DOCK7: variants seen among roughly 807,000 people sequenced by gnomAD.
DOCK7 encodes dedicator of cytokinesis protein 7.
Under a neutral mutation model 271.0 loss-of-function variants are expected in DOCK7, and 138 were observed. The observed-to-expected ratio is 0.51, with a 90% CI of 0.44 to 0.59. The LOEUF is 0.59. DOCK7 is among the 20% of genes least tolerant of loss of function. The pLI is 0.00. For synonymous variants in DOCK7, 823 were observed against 876.1 expected (o/e 0.94, Z 1.07); for missense variants, 2,066 against 2,592.4 (o/e 0.80, Z 4.41).
intron 22 of DOCK7, among the ~76,000 whole-genome samples, chr1:62,548,969 T>C (rs936818634): frequency 6.6e-6 from 1 of 152,196 alleles, no homozygotes; most frequent in Non-Finnish European, 1.5e-5. Flanking sequence ...ACTGGAAATA[T>C]AATTTTGGGA....
chr1:62,655,211 T>A (rs989228352), intron 2 of DOCK7, among the ~76,000 whole-genome samples: 1 of 152,056 alleles, frequency 6.6e-6, no homozygotes, highest in Admixed American at 6.5e-5. Context: ...ACCATACTTC[T>A]TATCTAGTTC....
chr1:62,528,656 T>C (rs1645085032), intron 30 of DOCK7, among the ~76,000 whole-genome samples: 1 of 152,248 alleles, frequency 6.6e-6, no homozygotes, highest in African/African-American at 2.4e-5. Flanking sequence ...CTGTCAAAGT[T>C]CTTAATACAC....
chr1:62,645,552 T>C (rs1159486450), intron 7 of DOCK7, among the ~76,000 whole-genome samples: 2 of 152,176 alleles, frequency 1.3e-5, no homozygotes, highest in African/African-American at 4.8e-5. Flanking sequence ...CACTTACTAT[T>C]AACAAATATG....
At chr1:62,494,793 CA>C (rs1646573043) in intron 39 of DOCK7, 1 of 200,144 alleles carries the variant, frequency 5.0e-6, no homozygotes, top group Admixed American at 6.0e-5. Flanking sequence ...GTTTTATACA[CA>C]AGGGAAAAAG....
chr1:62,499,433 T>C (rs1646715917), intron 37 of DOCK7, among the ~76,000 whole-genome samples: 2 of 152,120 alleles, frequency 1.3e-5, no homozygotes, highest in Admixed American at 1.3e-4. Context: ...TCAGATATAA[T>C]TCATTTATTA....
At chr1:62,523,308 A>G (rs576273753) in intron 31 of DOCK7, among the ~76,000 whole-genome samples, 40 of 152,316 alleles carry the variant, frequency 2.6e-4, no homozygotes, top group African/African-American at 9.4e-4. Flanking sequence ...AGATGTAGGG[A>G]AAATATTCTT....
At chr1:62,520,734 C>T (rs1330957806) in intron 31 of DOCK7, among the ~76,000 whole-genome samples, 1 of 152,062 alleles carries the variant, frequency 6.6e-6, no homozygotes, top group African/African-American at 2.4e-5. Context: ...ACCATTTGAC[C>T]CAGCAATTCC....
chr1:62,545,214 T>C (rs181806989), intron 22 of DOCK7, among the ~76,000 whole-genome samples, 175 bp from the exon 23 acceptor site: 1 of 152,178 alleles, frequency 6.6e-6, no homozygotes, highest in African/African-American at 2.4e-5. Flanking sequence ...AATTATCTTA[T>C]TATATAACAC....
At position 62,524,884 on chromosome 1, in the gene DOCK7, A is replaced by C. The variant is rs1219183773; in HGVS notation, c.3936+3267T>G. On this transcript the variant is annotated intron_variant, in intron 31 of 49. Coordinates refer to ENST00000635253, the MANE Select transcript of DOCK7 (RefSeq NM_001367561.1). Reference sequence around the variant, plus strand: ...CTGCACTCCAGCCTACCTGGGCTACAGTGCAGGGCTCCGTCTCAAAAAACA... The same window carrying C: ...CTGCACTCCAGCCTACCTGGGCTACCGTGCAGGGCTCCGTCTCAAAAAACA... 4.1e-5 allele frequency among the ~76,000 whole-genome samples: 6 copies of C among 146,664 alleles called. No individual in the cohort carries two copies. In the East Asian group the frequency reaches 1.2e-3, roughly 29 times the overall value.
chr1:62,479,755 C>A, intron 43 of DOCK7: 2 of 374,760 alleles, frequency 5.3e-6, no homozygotes, highest in South Asian at 2.0e-5. Context: ...GCAACCACAG[C>A]TCACTACAGC....
intron 22 of DOCK7, among the ~76,000 whole-genome samples, chr1:62,545,514 G>A (rs1645675443): frequency 6.6e-6 from 1 of 151,946 alleles, no homozygotes; most frequent in African/African-American, 2.4e-5. Flanking sequence ...AATTCTATTT[G>A]AGCTTGCTAC....
At chr1:62,496,630 A>G in intron 37 of DOCK7, 133 bp from the exon 38 acceptor site, 1 of 780,390 alleles carries the variant, frequency 1.3e-6, no homozygotes, top group East Asian at 2.9e-5. Flanking sequence ...GTAATAAAAT[A>G]TGCATATCAA....
intron 7 of DOCK7, among the ~76,000 whole-genome samples, chr1:62,646,643 A>G (rs953217832): frequency 4.6e-5 from 7 of 152,212 alleles, no homozygotes; most frequent in Non-Finnish European, 7.3e-5. Flanking sequence ...ATGCCTCATG[A>G]GAAACCAACC....
intron 11 of DOCK7, among the ~76,000 whole-genome samples, chr1:62,626,005 A>T (rs981788238): frequency 6.6e-6 from 1 of 152,220 alleles, no homozygotes; most frequent in African/African-American, 2.4e-5. Context: ...AAAACAACAT[A>T]CAATACATTC....
In DOCK7 at chr1:62,687,010, C is replaced by A. The variant is rs1369607703; in HGVS notation, c.38+1217G>T. Among the ~76,000 whole-genome samples, 7 of 152,148 alleles carry A rather than the reference C, an allele frequency of 4.6e-5. 1 individual carries two copies. The East Asian group carries it at 1.4e-3, about 29-fold the overall frequency. On this transcript the variant is annotated intron_variant, in intron 1 of 49. Coordinates refer to ENST00000635253, the MANE Select transcript of DOCK7 (RefSeq NM_001367561.1). ...GCCCAGGCTGGTCTTGAACTCCTGGCCTCAAGCGATCCTCCTGCCTCGGCC... is the reference window on the plus strand; with the variant it reads ...GCCCAGGCTGGTCTTGAACTCCTGGACTCAAGCGATCCTCCTGCCTCGGCC...
intron 21 of DOCK7, chr1:62,555,245 A>C (rs906659981): frequency 2.0e-5 from 3 of 152,254 alleles, no homozygotes; most frequent in African/African-American, 7.2e-5. Context: ...CCTAGAGAAC[A>C]ATCTTCTATA....
At chr1:62,485,434 G>C (rs1646265201) in intron 43 of DOCK7, 1 of 985,162 alleles carries the variant, frequency 1.0e-6, no homozygotes, top group African/African-American at 1.7e-5. Flanking sequence ...TGAAACATGT[G>C]ACTAATATAT....
At chr1:62,461,041 A>G (rs898874101) in intron 48 of DOCK7, 2 of 152,206 alleles carry the variant, frequency 1.3e-5, no homozygotes, top group African/African-American at 4.8e-5. Context: ...GAGATGCAGA[A>G]TAAAAGCACT....
At chr1:62,462,914 CTTTTT>C (rs34400688) in intron 48 of DOCK7, among the ~76,000 whole-genome samples, 24 of 79,350 alleles carry the variant, frequency 3.0e-4, no homozygotes, top group South Asian at 6.0e-4. Context: ...GTAGAAAAAG[CTTTTT>C]TTTTTTTTTT....
Sources: allele counts gnomAD v4.1 joint callset (sites outside exome capture counted in the v4.1 genomes callset), GRCh38; gene constraint gnomAD v4.1.1; transcripts MANE v1.5; gene names NCBI Gene and HGNC (gene_info 2026-07-23, HGNC 2026-07-21).